The following TENM4 variants were observed in gnomAD, a reference collection of about 807,000 sequenced individuals.
The protein encoded by TENM4 is teneurin transmembrane protein 4.
In TENM4, 82 loss-of-function variants were observed where a neutral mutation model predicts 243.3. That is an observed-to-expected ratio of 0.34 (90% confidence interval 0.28 to 0.40). The LOEUF (loss-of-function observed/expected upper bound fraction) is 0.40, where lower values mean the gene tolerates loss of function less well. TENM4 is among the 10% of genes least tolerant of loss of function. The pLI is 1.00. For missense variants in TENM4, 3,138 were observed against 3,673.3 expected (o/e 0.85, Z 3.77); for synonymous variants, 1,412 against 1,456.3 (o/e 0.97, Z 0.69).
intron 12 of TENM4, among the ~76,000 whole-genome samples, chr11:78,853,648 C>G (rs1314953833): frequency 6.6e-6 from 1 of 152,212 alleles, no homozygotes; most frequent in Non-Finnish European, 1.5e-5. Context: ...TCTCTTCAAG[C>G]CTGTATCCTC....
At chr11:79,081,123 C>T (rs1050973633) in intron 4 of TENM4, among the ~76,000 whole-genome samples, 1 of 152,240 alleles carries the variant, frequency 6.6e-6, no homozygotes, top group African/African-American at 2.4e-5. Context: ...ACAAAGGCCT[C>T]CTCAGCCTGA....
At chr11:78,718,651 C>T (rs1178559748) in intron 25 of TENM4, among the ~76,000 whole-genome samples, 1 of 152,164 alleles carries the variant, frequency 6.6e-6, no homozygotes, top group Non-Finnish European at 1.5e-5. Flanking sequence ...GTGAAATGTA[C>T]TTCTGTGTTT....
chr11:79,041,073 T>TG (rs1189564154), intron 6 of TENM4, among the ~76,000 whole-genome samples: 1 of 151,316 alleles, frequency 6.6e-6, no homozygotes, highest in Non-Finnish European at 1.5e-5. Flanking sequence ...TCTCCTCTTT[T>TG]TTTTTTTTGA....
At chr11:78,860,942 A>T (rs141390182) in intron 10 of TENM4, among the ~76,000 whole-genome samples, 2 of 152,296 alleles carry the variant, frequency 1.3e-5, no homozygotes, top group East Asian at 1.9e-4. Context: ...AACCTAAACA[A>T]CCCACAGACT....
At chr11:79,121,162 G>A (rs563983785) in intron 4 of TENM4, among the ~76,000 whole-genome samples, 1 of 152,092 alleles carries the variant, frequency 6.6e-6, no homozygotes, top group African/African-American at 2.4e-5. Flanking sequence ...GGGCTTTCCT[G>A]TCTTCCATTC....
intron 4 of TENM4, among the ~76,000 whole-genome samples, chr11:79,129,799 C>T (rs916388871): frequency 1.3e-4 from 20 of 152,178 alleles, no homozygotes; most frequent in Admixed American, 1.0e-3. Flanking sequence ...CTTTCGTACC[C>T]ACCCTGGTAG....
intron 6 of TENM4, among the ~76,000 whole-genome samples, chr11:78,986,008 G>A (rs1857910073): frequency 6.6e-6 from 1 of 152,178 alleles, no homozygotes; most frequent in Non-Finnish European, 1.5e-5. Context: ...CCTCCAAGGT[G>A]TATCAAGAGA....
intron 19 of TENM4, among the ~76,000 whole-genome samples, chr11:78,741,665 A>G (rs1379384142): frequency 1.3e-5 from 2 of 152,206 alleles, no homozygotes; most frequent in African/African-American, 4.8e-5. Flanking sequence ...CTGAACATTT[A>G]ATAATCAGTT....
At chr11:78,997,032 G>A (rs1340044353) in intron 6 of TENM4, among the ~76,000 whole-genome samples, 2 of 152,012 alleles carry the variant, frequency 1.3e-5, no homozygotes, top group African/African-American at 4.8e-5. Flanking sequence ...TGTAGGTCCT[G>A]TGCAAGTTGT....
chr11:79,387,597 T>C (rs1767541159), intron 1 of TENM4, among the ~76,000 whole-genome samples: 1 of 150,028 alleles, frequency 6.7e-6, no homozygotes, highest in Non-Finnish European at 1.5e-5. Context: ...ACACATAGCA[T>C]GTACTTCATA....
chr11:78,872,400 C>T lies in TENM4; in HGVS notation c.1085-9268G>A, dbSNP rs555708414. Reference sequence around the variant, plus strand: ...TCACTGAACCCAAAGGATCTCCTGCCTGTTCAAACTGCTCTGCTGGTGTGA... The same window carrying T: ...TCACTGAACCCAAAGGATCTCCTGCTTGTTCAAACTGCTCTGCTGGTGTGA... On this transcript the variant is annotated intron_variant, in intron 9 of 33. Coordinates refer to ENST00000278550, the MANE Select transcript of TENM4 (RefSeq NM_001098816.3). 5.9e-5 allele frequency among the ~76,000 whole-genome samples: 9 copies of T among 152,308 alleles called. No individual in the cohort carries two copies. The South Asian group carries it at 1.7e-3, about 28-fold the overall frequency.
intron 3 of TENM4, among the ~76,000 whole-genome samples, chr11:79,164,205 TGTATA>T (rs1452540482): frequency 8.1e-6 from 1 of 122,872 alleles, no homozygotes; most frequent in African/African-American, 3.2e-5. Context: ...CTATATATAG[TGTATA>T]GTATATAGTA....
intron 29 of TENM4, among the ~76,000 whole-genome samples, chr11:78,685,093 T>C (rs1858634207): frequency 6.6e-6 from 1 of 152,166 alleles, no homozygotes; most frequent in Non-Finnish European, 1.5e-5. Context: ...GCCTCAAACT[T>C]GCTATGCATT....
At chr11:79,019,342 T>C (rs973170352) in intron 6 of TENM4, among the ~76,000 whole-genome samples, 3 of 152,092 alleles carry the variant, frequency 2.0e-5, no homozygotes, top group Admixed American at 1.3e-4. Flanking sequence ...TCTTACTTCT[T>C]TGGGAATGGG....
chr11:79,346,220 G>A (rs1330470973), intron 1 of TENM4, among the ~76,000 whole-genome samples: 1 of 152,100 alleles, frequency 6.6e-6, no homozygotes, highest in Non-Finnish European at 1.5e-5. Context: ...GAATACAAAT[G>A]CCATTTGTTG....
intron 1 of TENM4, among the ~76,000 whole-genome samples, chr11:79,361,528 T>G (rs1590909797): frequency 1.3e-5 from 2 of 152,320 alleles, no homozygotes; most frequent in East Asian, 3.9e-4. Context: ...GTTGCTAGTC[T>G]CTGGGGGCTT....
chr11:79,319,095 C>A (rs1473114857), intron 1 of TENM4, among the ~76,000 whole-genome samples: 1 of 152,210 alleles, frequency 6.6e-6, no homozygotes, highest in Admixed American at 6.5e-5. Context: ...CAGATTGGAA[C>A]TAACAGCAAC....
At chr11:78,829,412 T>C (rs915488175) in intron 12 of TENM4, among the ~76,000 whole-genome samples, 2 of 152,192 alleles carry the variant, frequency 1.3e-5, no homozygotes, top group African/African-American at 2.4e-5. Context: ...TCCTCACTTA[T>C]CTGTTTCATG....
chr11:78,810,789 G>A (rs1857482152), intron 14 of TENM4, among the ~76,000 whole-genome samples: 1 of 152,112 alleles, frequency 6.6e-6, no homozygotes, highest in African/African-American at 2.4e-5. Context: ...AATGACGCCT[G>A]GGAGAGGGCT....
Sources: gnomAD v4.1 joint callset for allele counts (sites outside exome capture counted in the v4.1 genomes callset) on GRCh38, gnomAD v4.1.1 for gene constraint, MANE v1.5 for transcripts, NCBI Gene and HGNC (gene_info 2026-07-23, HGNC 2026-07-21) for gene names.